The following VANGL1 variants were observed in gnomAD, a reference collection of about 807,000 sequenced individuals.
VANGL1 encodes VANGL planar cell polarity protein 1.
A neutral mutation model predicts 48.4 loss-of-function variants in VANGL1; 18 were observed. That is an observed-to-expected ratio of 0.37 (90% CI 0.26 to 0.55). VANGL1 has a LOEUF of 0.55. Ranked by LOEUF, VANGL1 falls within the 20% of genes least tolerant of loss-of-function variation. The pLI is 0.81. For synonymous variants in VANGL1, 257 were observed against 261.8 expected, an observed-to-expected ratio of 0.98 and a Z score of 0.18; for missense variants, 667 against 675.8, an observed-to-expected ratio of 0.99 and a Z score of 0.14.
rs532358246 is a variant in VANGL1 at position 115,662,938 on chromosome 1, C to T, written c.205-723C>T. Among the ~76,000 whole-genome samples, 4 of 152,246 alleles carry T rather than the reference C, an allele frequency of 2.6e-5. No homozygotes were observed. The East Asian group carries it at 7.7e-4, about 29-fold the overall frequency. ...AGTAGCTGGGATTACAGGCATGTGCCACCACGCCTTGCTAATTTTTGTATT... is the reference window on the plus strand; with the variant it reads ...AGTAGCTGGGATTACAGGCATGTGCTACCACGCCTTGCTAATTTTTGTATT... On this transcript the variant is annotated intron_variant, in intron 3 of 7. Transcript: ENST00000355485.
At position 115,659,769 on chromosome 1, in the gene VANGL1, T is replaced by A. The variant is rs1254218139; in HGVS notation, c.200T>A (p.Val67Asp). ...LGNDSTRTEE[V>D]QDDNWGETTT... ...AATGATTCTACTCGGACAGAGGAAGTTCAGGTAAGGATCAAAGGTGGTCTG... is the reference window on the plus strand; with the variant it reads ...AATGATTCTACTCGGACAGAGGAAGATCAGGTAAGGATCAAAGGTGGTCTG... The change falls in exon 3 of 8, where the codon GTT becomes GAT. Residue 67 changes from valine (V) to aspartate (D), a missense_variant. Coordinates refer to ENST00000355485, the MANE Select transcript of VANGL1 (RefSeq NM_138959.3). The A allele has an allele frequency of 1.2e-6, 2 of 1,614,128 alleles. No individual in the cohort carries two copies. The highest frequency in any genetic ancestry group is 1.7e-5 in the Admixed American group (1 of 60,022).
chr1:115,678,901 C>A (rs1429104253), intron 4 of VANGL1, among the ~76,000 whole-genome samples: 1 of 151,382 alleles, frequency 6.6e-6, no homozygotes, highest in Non-Finnish European at 1.5e-5. Flanking sequence ...TTGCAGTGAG[C>A]CGAGATTGCG....
intron 7 of VANGL1, among the ~76,000 whole-genome samples, chr1:115,689,578 G>C (rs1261755556): frequency 7.3e-6 from 1 of 136,988 alleles, no homozygotes; most frequent in Non-Finnish European, 1.6e-5. Flanking sequence ...GGAGGTTGCA[G>C]TGAGCTGAGA....
intron 3 of VANGL1, among the ~76,000 whole-genome samples, chr1:115,662,012 A>T (rs1373282174): frequency 6.6e-6 from 1 of 152,238 alleles, no homozygotes; most frequent in East Asian, 1.9e-4. Flanking sequence ...TGAAACCGCC[A>T]GAGTGGTTTT....
chr1:115,644,446 C>T (rs943977270), intron 1 of VANGL1, among the ~76,000 whole-genome samples: 1 of 152,150 alleles, frequency 6.6e-6, no homozygotes, highest in Non-Finnish European at 1.5e-5. Context: ...GGGCATCATG[C>T]TATTCTATTT....
intron 2 of VANGL1, among the ~76,000 whole-genome samples, chr1:115,655,665 C>T (rs1175850709): frequency 6.6e-6 from 1 of 152,202 alleles, no homozygotes; most frequent in Admixed American, 6.5e-5. Flanking sequence ...GTGTTTGTAA[C>T]ACCTCTCCCT....
chr1:115,661,524 C>A (rs571767617), intron 3 of VANGL1, among the ~76,000 whole-genome samples: 1 of 118,818 alleles, frequency 8.4e-6, no homozygotes, highest in East Asian at 2.8e-4. Flanking sequence ...ACAGCTTATT[C>A]TTTTTATTTT....
At chr1:115,664,851 A>G (rs753100966) in intron 4 of VANGL1, among the ~76,000 whole-genome samples, 24 of 152,234 alleles carry the variant, frequency 1.6e-4, no homozygotes, top group Non-Finnish European at 3.4e-4. Context: ...TTGGGTTGTC[A>G]TACTTACATC....
chr1:115,655,680 C>T (rs1388837974), intron 2 of VANGL1, among the ~76,000 whole-genome samples: 3 of 152,178 alleles, frequency 2.0e-5, no homozygotes, highest in Admixed American at 1.3e-4. Context: ...CTCCCTGTGG[C>T]TTGGCAGTCT....
chr1:115,669,523 C>T (rs1267119385), intron 4 of VANGL1, among the ~76,000 whole-genome samples: 4 of 152,144 alleles, frequency 2.6e-5, no homozygotes, highest in East Asian at 1.9e-4. Context: ...CATTGAATCA[C>T]GGGGGCGATT....
At chr1:115,644,805 T>C (rs1307540121) in intron 1 of VANGL1, among the ~76,000 whole-genome samples, 2 of 152,234 alleles carry the variant, frequency 1.3e-5, no homozygotes, top group African/African-American at 2.4e-5. Context: ...TGTACCCAGC[T>C]GCTGGAGGTG....
intron 2 of VANGL1, among the ~76,000 whole-genome samples, chr1:115,651,725 T>A (rs1212842775): frequency 6.6e-6 from 1 of 152,208 alleles, no homozygotes; most frequent in African/African-American, 2.4e-5. Flanking sequence ...TAAAGTTTCT[T>A]CCTGCAGTGG....
intron 4 of VANGL1, among the ~76,000 whole-genome samples, chr1:115,675,480 C>T (rs907641519): frequency 7.2e-5 from 11 of 151,960 alleles, no homozygotes; most frequent in African/African-American, 9.7e-5. Context: ...CCATCCTGGA[C>T]GACAAAGGAG....
In VANGL1 at chr1:115,691,120, C is replaced by A; in HGVS notation, c.1316C>A (p.Ala439Asp). ...FCITNGMTPK[A>D]FLERYLSAGP... ...ATGGCCTTTCTCCTCTGCTTCCAGG[C>A]CTTCCTAGAACGGTACCTCAGTGCG... The change falls in exon 8 of 8, where the codon GCC becomes GAC. Residue 439 changes from alanine to aspartate, a missense_variant and splice_region_variant. Physicochemically the swap from Ala to Asp is moderately radical, Grantham distance 126 (BLOSUM62 -2). Coordinates refer to ENST00000355485, the MANE Select transcript of VANGL1 (RefSeq NM_138959.3). 6.2e-7 allele frequency: 1 copy of A among 1,614,188 alleles called. No homozygotes were observed. The highest frequency in any genetic ancestry group is 8.5e-7 in the Non-Finnish European group (1 of 1,180,040).
chr1:115,671,434 AGGCC>A (rs1209362980), intron 4 of VANGL1: 2 of 152,408 alleles, frequency 1.3e-5, no homozygotes, highest in East Asian at 3.9e-4. Flanking sequence ...CCACTTGGGC[AGGCC>A]GGGAGCCTCA....
chr1:115,690,652 G>A (rs757880910), intron 7 of VANGL1, among the ~76,000 whole-genome samples: 11 of 152,322 alleles, frequency 7.2e-5, no homozygotes, highest in East Asian at 3.9e-4. Flanking sequence ...AAATGGTAGC[G>A]CATGCGTTCT....
chr1:115,693,272 T>C lies in VANGL1; in HGVS notation c.*1893T>C, dbSNP rs942981966. ...TACAATATCTTTCTCAGGAAATATT[T>C]TGGGAAATGGGGTAAGAGATGGCAA... On this transcript the variant is annotated 3_prime_UTR_variant, in exon 8 of 8. Transcript: ENST00000355485. 1 of 152,620 alleles carries C rather than the reference T, an allele frequency of 6.6e-6. No homozygotes were observed. Among genetic ancestry groups the C allele is most frequent in the Admixed American group, 6.5e-5 (1 of 15,276 alleles). The allele number at this position is 152,620 out of a possible 1,614,324, so 9.5% of individuals were successfully genotyped here. A position where few individuals can be genotyped will look rare whatever the true frequency, so the allele number is the denominator to read the frequency against.
At chr1:115,645,078 C>G (rs1401780145) in intron 1 of VANGL1, among the ~76,000 whole-genome samples, 1 of 152,074 alleles carries the variant, frequency 6.6e-6, no homozygotes, top group South Asian at 2.1e-4. Flanking sequence ...ATAGATTTGC[C>G]CTGCATCTCT....
intron 5 of VANGL1, 115 bp from the exon 6 acceptor site, chr1:115,683,829 G>A (rs1653484358): frequency 7.4e-7 from 1 of 1,354,732 alleles, no homozygotes; most frequent in Non-Finnish European, 1.0e-6. Flanking sequence ...GGATTTGTGT[G>A]TGTGTGTTCC....
Sources: gnomAD v4.1 joint callset for allele counts (sites outside exome capture counted in the v4.1 genomes callset) on GRCh38, gnomAD v4.1.1 for gene constraint, MANE v1.5 for transcripts, NCBI Gene and HGNC (gene_info 2026-07-23, HGNC 2026-07-21) for gene names.